LRRK2: variants seen among roughly 807,000 people sequenced by gnomAD.
LRRK2 encodes leucine rich repeat kinase 2.
LRRK2 carries 203 observed loss-of-function variants against 302.6 expected under a neutral mutation model. The ratio of observed to expected loss-of-function variants is 0.67; its 90% CI spans 0.60 to 0.75. The LOEUF is 0.75. Ranked by LOEUF, LRRK2 falls within the 30% of genes least tolerant of loss-of-function variation. The pLI is 0.00. For synonymous variants in LRRK2, 1,066 were observed against 1,031.9 expected, an observed-to-expected ratio of 1.03 and a Z score of -0.63; for missense variants, 2,830 against 2,951.0, an observed-to-expected ratio of 0.96 and a Z score of 0.95.
intron 34 of LRRK2, among the ~76,000 whole-genome samples, chr12:40,320,559 A>T (rs1202692027): frequency 5.3e-5 from 8 of 152,058 alleles, no homozygotes; most frequent in Admixed American, 5.3e-4. Flanking sequence ...TTTTAAAAGC[A>T]TTTATGGCAT....
rs17491054 is a variant in LRRK2, at chr12:40,300,011, T to C, written c.3496+754T>C. Among the ~76,000 whole-genome samples the C allele has an allele frequency of 5.2e-3, 788 of 152,280 alleles. 12 individuals carry two copies. Among genetic ancestry groups the C allele is most frequent in the African/African-American group, 0.018 (752 of 41,566 alleles). On this transcript the variant is annotated intron_variant, in intron 25 of 50. Transcript: ENST00000298910. The stretch of plus-strand genomic sequence containing the variant: ...ACTGTGTAGTACCCTGTGGTTCCCT[T>C]TAGTCTTAAACTAAACATGCACATG...
chr12:40,282,061 TTCCCTTCC>T, intron 18 of LRRK2, among the ~76,000 whole-genome samples: 1 of 26,468 alleles, frequency 3.8e-5, no homozygotes, highest in Non-Finnish European at 6.6e-5. Flanking sequence ...TTCCCTTCCC[TTCCCTTCC>T]CTTCCCTTCC....
intron 39 of LRRK2, among the ~76,000 whole-genome samples, chr12:40,330,358 T>C (rs1945678073): frequency 6.6e-6 from 1 of 152,188 alleles, no homozygotes; most frequent in Non-Finnish European, 1.5e-5. Context: ...CATTGATTTT[T>C]AGTGCCCACT....
intron 49 of LRRK2, chr12:40,366,800 G>A (rs1946892558): frequency 2.1e-6 from 1 of 484,356 alleles, no homozygotes; most frequent in Non-Finnish European, 3.8e-6. Flanking sequence ...ATTAAGAATT[G>A]CAGCAAGGAG....
intron 25 of LRRK2, chr12:40,300,798 C>T (rs1302226955): frequency 4.2e-6 from 2 of 470,906 alleles, no homozygotes; most frequent in African/African-American, 4.0e-5. Flanking sequence ...TATTGTGGTG[C>T]CTTCTGTGGA....
chr12:40,357,751 A>G (rs1178959644), intron 46 of LRRK2, among the ~76,000 whole-genome samples: 1 of 151,986 alleles, frequency 6.6e-6, no homozygotes, highest in African/African-American at 2.4e-5. Flanking sequence ...TCTTTTGCAA[A>G]TGTCTATTTA....
intron 47 of LRRK2, among the ~76,000 whole-genome samples, chr12:40,363,167 T>C (rs947697099): frequency 9.9e-5 from 15 of 152,074 alleles, no homozygotes; most frequent in Middle Eastern, 3.2e-3. Flanking sequence ...ATAATCTTTA[T>C]TTTATTATCA....
rs376720759 is a variant in LRRK2, at chr12:40,279,963, G to A, written c.2241+1702G>A. The stretch of plus-strand genomic sequence containing the variant: ...GGACTATTTATTCATTTACCAAGAG[G>A]TTACATATTGAAGGACTATCTAGAG... On this transcript the variant is annotated intron_variant, in intron 18 of 50. Transcript: ENST00000298910. Among the ~76,000 whole-genome samples, 37 of 152,294 alleles carry A rather than the reference G, an allele frequency of 2.4e-4. No homozygotes were observed. The South Asian group carries it at 4.3e-3, about 18-fold the overall frequency.
intron 10 of LRRK2, among the ~76,000 whole-genome samples, chr12:40,252,165 C>T (rs1942302549): frequency 6.6e-6 from 1 of 152,126 alleles, no homozygotes; most frequent in Non-Finnish European, 1.5e-5. Flanking sequence ...TTTATGGCAA[C>T]TGATTGATTA....
intron 11 of LRRK2, among the ~76,000 whole-genome samples, chr12:40,256,877 A>G (rs1294440073): frequency 6.6e-6 from 1 of 152,220 alleles, no homozygotes; most frequent in Non-Finnish European, 1.5e-5. Flanking sequence ...TGTTTTAAGT[A>G]TTGGAATACA....
At chr12:40,225,503 G>A in intron 1 of LRRK2, 52 bp from the exon 2 acceptor site, 10 of 1,473,748 alleles carry the variant, frequency 6.8e-6, no homozygotes, top group Non-Finnish European at 4.8e-6. Flanking sequence ...AAAGGAGAGG[G>A]GGTGCTGTGG....
At chr12:40,231,576 C>CAAA (rs71078231) in intron 2 of LRRK2, among the ~76,000 whole-genome samples, 2 of 105,880 alleles carry the variant, frequency 1.9e-5, no homozygotes, top group Non-Finnish European at 3.6e-5. Flanking sequence ...AAAACAAAAC[C>CAAA]AAAAAAAAAA....
intron 14 of LRRK2, among the ~76,000 whole-genome samples, chr12:40,270,503 G>T (rs187282354): frequency 5.9e-5 from 9 of 151,554 alleles, no homozygotes; most frequent in South Asian, 2.1e-4. Context: ...TTTATATTTG[G>T]ACTCCTAAAA....
chr12:40,279,325 A>C (rs1224111723), intron 18 of LRRK2, among the ~76,000 whole-genome samples: 1 of 151,640 alleles, frequency 6.6e-6, no homozygotes, highest in African/African-American at 2.4e-5. Context: ...AATACTAATT[A>C]GTAATCAACA....
rs770050822 is a variant in LRRK2 at position 40,287,361 on chromosome 12, T to C, written c.2511T>C (p.Ser837=). 6.2e-7 allele frequency: 1 copy of C among 1,612,080 alleles called. No homozygotes were observed. Among genetic ancestry groups the C allele is most frequent in the Non-Finnish European group, 8.5e-7 (1 of 1,178,696 alleles). The change falls in exon 20 of 51, where the codon TCT becomes TCC. Residue 837 remains serine, a synonymous_variant. Transcript: ENST00000298910. ...ATCTCTTATTTTCAGATATAGCATC[T>C]ACACTAGCAAGAATGGTGATCAGAT... The part of the protein sequence containing the change: ...SNLRKQTNIA[S]TLARMVIRYQ...
Position 40,298,223 on chromosome 12 carries a change from T to G in LRRK2, c.3097-20T>G. On this transcript the variant is annotated intron_variant, in intron 23 of 50. Transcript: ENST00000298910. ...TCCTCAGATGGTTCACTTTAGAATT[T>G]TAAACTATTGTCTTTTCAGACTCTG... 1.2e-6 allele frequency: 2 copies of G among 1,611,574 alleles called. No homozygotes were observed. The highest frequency in any genetic ancestry group is 1.7e-6 in the Non-Finnish European group (2 of 1,179,648).
intron 6 of LRRK2, 123 bp downstream of exon 6, chr12:40,240,740 CATTT>C (rs1941685636): frequency 1.0e-6 from 1 of 959,894 alleles, no homozygotes. Context: ...CCCATTCATT[CATTT>C]ATTCATTTAA....
intron 42 of LRRK2, 66 bp downstream of exon 42, chr12:40,346,989 A>T (rs760614040): frequency 7.4e-7 from 1 of 1,343,456 alleles, no homozygotes. Flanking sequence ...TTTTTATTTA[A>T]TTGTAGTTGT....
At chr12:40,300,258 T>G (rs1381196732) in intron 25 of LRRK2, among the ~76,000 whole-genome samples, 1 of 152,226 alleles carries the variant, frequency 6.6e-6, no homozygotes, top group Non-Finnish European at 1.5e-5. Flanking sequence ...ATCACTTTTA[T>G]TAAAAGTTGT....
Sources: gnomAD v4.1 joint callset for allele counts (sites outside exome capture counted in the v4.1 genomes callset) on GRCh38, gnomAD v4.1.1 for gene constraint, MANE v1.5 for transcripts, NCBI Gene and HGNC (gene_info 2026-07-23, HGNC 2026-07-21) for gene names.